The following HNRNPLL variants were observed in gnomAD, a reference collection of about 807,000 sequenced individuals.
The protein encoded by HNRNPLL is heterogeneous nuclear ribonucleoprotein L like, also known as heterogeneous nuclear ribonucleoprotein L-like.
A neutral mutation model predicts 67.1 loss-of-function variants in HNRNPLL; 25 were observed. The observed-to-expected ratio is 0.37, with a 90% CI of 0.27 to 0.52. HNRNPLL has a LOEUF of 0.52. HNRNPLL is among the 20% of genes least tolerant of loss of function. The pLI is 0.90. For missense variants in HNRNPLL, 542 were observed against 673.9 expected, an observed-to-expected ratio of 0.80 and a Z score of 2.17; for synonymous variants, 267 against 241.7, an observed-to-expected ratio of 1.10 and a Z score of -0.97.
At chr2:38,570,336 T>C (rs1396095230) in intron 8 of HNRNPLL, among the ~76,000 whole-genome samples, 1 of 152,226 alleles carries the variant, frequency 6.6e-6, no homozygotes, top group East Asian at 1.9e-4. Flanking sequence ...GGGGATTTAA[T>C]AGTGAATGTT....
chr2:38,595,939 C>A (rs78946382), intron 1 of HNRNPLL, among the ~76,000 whole-genome samples: 4,700 of 152,242 alleles, frequency 0.031, 97 homozygotes, highest in South Asian at 0.079. Context: ...ATACCCCTCA[C>A]CCACCTTGTA....
chr2:38,590,654 GAGAC>G (rs1301804999), intron 2 of HNRNPLL, among the ~76,000 whole-genome samples: 1 of 152,134 alleles, frequency 6.6e-6, no homozygotes, highest in African/African-American at 2.4e-5. Flanking sequence ...GCTGTGGGAA[GAGAC>G]AGGGGGAGCC....
intron 12 of HNRNPLL, chr2:38,566,071 C>A: frequency 1.0e-6 from 1 of 987,786 alleles, no homozygotes; most frequent in Non-Finnish European, 1.2e-6. Flanking sequence ...AATTACACAG[C>A]AAAAAGTTTC....
Position 38,577,931 on chromosome 2 carries a change from T to C in HNRNPLL, c.803-399A>G, listed in dbSNP as rs1360597322. 1.7e-5 allele frequency: 8 copies of C among 472,200 alleles called. No individual in the cohort carries two copies. In the East Asian group the frequency reaches 4.1e-4, roughly 24 times the overall value. 29.3% of individuals were successfully genotyped at this position (472,200 alleles called of 1,614,324 possible). Reference sequence around the variant, plus strand: ...TTGAAAGACAGTACCTGAATCATACTATTAGCTTCAACAGCAACACATTTT... The same window carrying C: ...TTGAAAGACAGTACCTGAATCATACCATTAGCTTCAACAGCAACACATTTT... On this transcript the variant is annotated intron_variant, in intron 6 of 12. Transcript: ENST00000449105.
chr2:38,590,833 T>A (rs1039974305), intron 2 of HNRNPLL, among the ~76,000 whole-genome samples: 4 of 152,040 alleles, frequency 2.6e-5, no homozygotes, highest in African/African-American at 9.7e-5. Context: ...AGACCCCTCA[T>A]CTCTACAAAA....
At chr2:38,594,346 TA>T (rs1667089579) in intron 1 of HNRNPLL, among the ~76,000 whole-genome samples, 1 of 152,192 alleles carries the variant, frequency 6.6e-6, no homozygotes, top group African/African-American at 2.4e-5. Flanking sequence ...CTGTCTTTAG[TA>T]AGAAAATAGT....
intron 8 of HNRNPLL, among the ~76,000 whole-genome samples, chr2:38,572,402 C>T (rs1378801081): frequency 6.6e-6 from 1 of 152,060 alleles, no homozygotes; most frequent in East Asian, 1.9e-4. Flanking sequence ...CAAGAACTTA[C>T]TGTTGCAAAG....
intron 10 of HNRNPLL, 87 bp downstream of exon 10, chr2:38,569,046 G>C: frequency 1.1e-6 from 1 of 932,738 alleles, no homozygotes; most frequent in Non-Finnish European, 1.7e-6. Context: ...GCAAAAGAAT[G>C]AGCAAAACGA....
chr2:38,590,436 CTG>C (rs1271079063), intron 2 of HNRNPLL, among the ~76,000 whole-genome samples: 1 of 152,138 alleles, frequency 6.6e-6, no homozygotes, highest in Non-Finnish European at 1.5e-5. Context: ...TCAACTTGAT[CTG>C]TGTCTTCGAT....
chr2:38,602,148 G>T lies in HNRNPLL; in HGVS notation c.189+290C>A, dbSNP rs115099381. The T allele has an allele frequency of 2.4e-3, 1,070 of 448,660 alleles. 7 individuals carry two copies. The highest frequency in any genetic ancestry group is 0.021 in the African/African-American group (997 of 47,526). 27.8% of individuals were successfully genotyped at this position (448,660 alleles called of 1,614,324 possible). A position where few individuals can be genotyped will look rare whatever the true frequency, so the allele number is the denominator to read the frequency against. On this transcript the variant is annotated intron_variant, in intron 1 of 12. Transcript: ENST00000449105. ...CCCGAGCCGCGAAACCCCCCAGAGC[G>T]GAAGCGACGCCTCCCCGCCGCCGCC... is the stretch of plus-strand genomic sequence containing the variant.
At chr2:38,580,812 T>TA (rs1666498527) in intron 6 of HNRNPLL, among the ~76,000 whole-genome samples, 2 of 152,370 alleles carry the variant, frequency 1.3e-5, no homozygotes, top group South Asian at 4.1e-4. Flanking sequence ...TTATCAAGTT[T>TA]AAAGATATTC....
chr2:38,586,666 A>G (rs1448272985), intron 2 of HNRNPLL, among the ~76,000 whole-genome samples: 1 of 152,202 alleles, frequency 6.6e-6, no homozygotes, highest in Non-Finnish European at 1.5e-5. Context: ...GGAAGCAACA[A>G]CAGACTGACC....
At chr2:38,595,702 G>C (rs1285399201) in intron 1 of HNRNPLL, among the ~76,000 whole-genome samples, 1 of 152,106 alleles carries the variant, frequency 6.6e-6, no homozygotes. Context: ...AAATTAGCCG[G>C]GCGTGGTGGC....
At position 38,564,171 on chromosome 2, in the gene HNRNPLL, C is replaced by T. The variant is rs753157811; in HGVS notation, c.*11G>A. 4 of 1,459,768 alleles carry T rather than the reference C, an allele frequency of 2.7e-6. No individual in the cohort carries two copies. In the South Asian group the frequency reaches 4.6e-5, roughly 17 times the overall value. 90.4% of individuals were successfully genotyped at this position (1,459,768 alleles called of 1,614,324 possible). ...AAAGGTGAACATAAATTCTAACATG[C>T]TCTTCTCTTCTTATAAATGGGATGA... On this transcript the variant is annotated 3_prime_UTR_variant, in exon 13 of 13. Transcript: ENST00000449105.
At chr2:38,569,387 G>T (rs1460315487) in intron 9 of HNRNPLL, 53 bp from the exon 10 acceptor site, 1 of 1,282,296 alleles carries the variant, frequency 7.8e-7, no homozygotes, top group Non-Finnish European at 1.1e-6. Flanking sequence ...ATAAAAAGCA[G>T]CAAGTAGTCT....
intron 12 of HNRNPLL, among the ~76,000 whole-genome samples, chr2:38,566,448 C>T (rs1442461894): frequency 6.6e-6 from 1 of 150,532 alleles, no homozygotes; most frequent in Non-Finnish European, 1.5e-5. Flanking sequence ...AACAATTTCA[C>T]TTGACTTGAC....
intron 2 of HNRNPLL, among the ~76,000 whole-genome samples, chr2:38,586,536 G>C (rs1666741127): frequency 6.6e-6 from 1 of 152,146 alleles, no homozygotes; most frequent in South Asian, 2.1e-4. Context: ...CTCAACAGAA[G>C]GTTGGCAGAC....
At chr2:38,583,204 A>C (rs1276571282) in intron 4 of HNRNPLL, among the ~76,000 whole-genome samples, 4 of 152,216 alleles carry the variant, frequency 2.6e-5, no homozygotes, top group African/African-American at 9.6e-5. Context: ...AAAAAAATAA[A>C]ATCACAAAGG....
At chr2:38,591,413 T>C in intron 2 of HNRNPLL, 117 bp downstream of exon 2, 1 of 695,470 alleles carries the variant, frequency 1.4e-6, no homozygotes, top group South Asian at 1.7e-5. Context: ...CAATAGATAC[T>C]ACTTTGTTTA....
Sources: allele counts gnomAD v4.1 joint callset (sites outside exome capture counted in the v4.1 genomes callset), GRCh38; gene constraint gnomAD v4.1.1; transcripts MANE v1.5; gene names NCBI Gene and HGNC (gene_info 2026-07-23, HGNC 2026-07-21).